ANKRD44: variants seen among roughly 807,000 people sequenced by gnomAD.
ANKRD44 encodes serine/threonine-protein phosphatase 6 regulatory ankyrin repeat subunit B.
ANKRD44 carries 35 observed loss-of-function variants against 116.0 expected under a neutral mutation model. That is an observed-to-expected ratio of 0.30 (90% CI 0.23 to 0.40). The LOEUF (loss-of-function observed/expected upper bound fraction) is 0.40, where lower values mean the gene tolerates loss of function less well. ANKRD44 is among the 10% of genes least tolerant of loss of function. The probability of loss-of-function intolerance (pLI) is 1.00; values close to 1 mark genes in which losing one functional copy is unlikely to be tolerated. For synonymous variants in ANKRD44, 435 were observed against 461.8 expected, an observed-to-expected ratio of 0.94 and a Z score of 0.74; for missense variants, 1,014 against 1,242.6, an observed-to-expected ratio of 0.82 and a Z score of 2.77.
At chr2:197,059,445 T>C (rs1394385937) in intron 16 of ANKRD44, among the ~76,000 whole-genome samples, 2 of 152,196 alleles carry the variant, frequency 1.3e-5, no homozygotes, top group African/African-American at 4.8e-5. Context: ...CAATAAAATA[T>C]ATAACTTTAA....
intron 2 of ANKRD44, among the ~76,000 whole-genome samples, chr2:197,183,909 GTTACACATCAC>G (rs1460848343): frequency 6.6e-6 from 1 of 152,110 alleles, no homozygotes; most frequent in Admixed American, 6.5e-5. Context: ...CAAGCCTCAG[GTTACACATCAC>G]TTTATCAGGT....
intron 16 of ANKRD44, 66 bp from the exon 17 acceptor site, chr2:197,025,333 G>T: frequency 7.6e-7 from 1 of 1,321,176 alleles, no homozygotes; most frequent in Non-Finnish European, 1.1e-6. Context: ...GTGTAAATGA[G>T]AAAAGAGGTT....
At chr2:197,073,432 C>T (rs927036887) in intron 16 of ANKRD44, among the ~76,000 whole-genome samples, 1 of 152,176 alleles carries the variant, frequency 6.6e-6, no homozygotes, top group African/African-American at 2.4e-5. Context: ...TAGCTCTGGC[C>T]CTTGGCTCAC....
Position 197,025,277 on chromosome 2 carries a change from C to G in ANKRD44, c.1651-10G>C. 1.2e-6 allele frequency: 2 copies of G among 1,605,826 alleles called. No individual in the cohort carries two copies. Among genetic ancestry groups the G allele is most frequent in the Non-Finnish European group, 1.7e-6 (2 of 1,173,668 alleles). On this transcript the variant is annotated splice_polypyrimidine_tract_variant and intron_variant, in intron 16 of 27. Transcript: ENST00000282272. ...TTGTTCTTTCCAAAAGCTGTGGAGA[C>G]AAAAAGCAAACAATAGTACGTGAGT...
In ANKRD44 at chr2:197,137,348, A is replaced by G. The variant is rs146450575; in HGVS notation, c.191-686T>C. On this transcript the variant is annotated intron_variant, in intron 3 of 27. Transcript: ENST00000282272. ...GATGAGGAAGGGAGCTCATGAGGAC[A>G]GAGAGTGGAGAAACAAATCAAAGAA... Among the ~76,000 whole-genome samples the G allele has an allele frequency of 8.5e-4, 130 of 152,328 alleles. No homozygotes were observed. The East Asian group carries it at 0.023, about 27-fold the overall frequency.
chr2:197,259,316 C>T (rs2082536077), intron 1 of ANKRD44, among the ~76,000 whole-genome samples: 1 of 152,166 alleles, frequency 6.6e-6, no homozygotes, highest in African/African-American at 2.4e-5. Context: ...GTGTCCCCCT[C>T]CCAGAGCTAA....
chr2:197,007,719 A>G (rs2076225204), intron 20 of ANKRD44, 87 bp downstream of exon 20: 1 of 883,672 alleles, frequency 1.1e-6, no homozygotes, highest in South Asian at 1.5e-5. Context: ...AATCCAATCA[A>G]AGTAGGCCCT....
intron 16 of ANKRD44, among the ~76,000 whole-genome samples, chr2:197,069,932 T>C (rs894901451): frequency 2.0e-5 from 3 of 152,108 alleles, no homozygotes; most frequent in Non-Finnish European, 4.4e-5. Context: ...CATCAGCATT[T>C]TGTGGTTTCA....
In ANKRD44 at chr2:197,020,681, T is replaced by C. The variant is rs145532826; in HGVS notation, c.1722+4515A>G. Among the ~76,000 whole-genome samples, 54 of 152,334 alleles carry C rather than the reference T, an allele frequency of 3.5e-4. No individual in the cohort carries two copies. In the East Asian group the frequency reaches 8.7e-3, roughly 24 times the overall value. The stretch of plus-strand genomic sequence containing the variant: ...CTAGTTTGTAGCTCCTGAATTTTAC[T>C]ATGCATAAAGTAAAGCCTTCACTAG... On this transcript the variant is annotated intron_variant, in intron 17 of 27. Coordinates refer to ENST00000282272, the MANE Select transcript of ANKRD44 (RefSeq NM_001195144.2).
chr2:196,971,833 G>A (rs1344170396), intron 21 of ANKRD44, among the ~76,000 whole-genome samples: 1 of 152,134 alleles, frequency 6.6e-6, no homozygotes, highest in African/African-American at 2.4e-5. Flanking sequence ...AGCCAAAGGG[G>A]ATGCATCCAA....
chr2:197,083,659 T>C, intron 13 of ANKRD44, 150 bp from the exon 14 acceptor site: 1 of 702,442 alleles, frequency 1.4e-6, no homozygotes, highest in East Asian at 3.1e-5. Flanking sequence ...CCTTCAACTA[T>C]ACAAGTTAGG....
At chr2:197,049,188 G>T (rs569477752) in intron 16 of ANKRD44, among the ~76,000 whole-genome samples, 42 of 152,092 alleles carry the variant, frequency 2.8e-4, no homozygotes, top group Non-Finnish European at 4.7e-4. Context: ...AGTTTAATTA[G>T]ACCCCATTTG....
intron 1 of ANKRD44, among the ~76,000 whole-genome samples, chr2:197,219,303 C>T (rs1238905902): frequency 3.9e-5 from 6 of 151,976 alleles, no homozygotes; most frequent in East Asian, 1.9e-4. Flanking sequence ...CTCCTGACCT[C>T]GTGATCTGCC....
intron 10 of ANKRD44, among the ~76,000 whole-genome samples, chr2:197,096,340 A>C (rs1009425328): frequency 1.3e-5 from 2 of 152,228 alleles, no homozygotes; most frequent in African/African-American, 4.8e-5. Context: ...CATAAACTAT[A>C]ATACCCCTAA....
intron 1 of ANKRD44, among the ~76,000 whole-genome samples, chr2:197,192,141 A>T: frequency 6.6e-6 from 1 of 152,086 alleles, no homozygotes; most frequent in Non-Finnish European, 1.5e-5. Context: ...ATTTTTGCTA[A>T]AACCACTGTA....
chr2:197,008,369 C>A (rs4850744), intron 19 of ANKRD44, among the ~76,000 whole-genome samples: 138,584 of 152,268 alleles, frequency 0.91, 63,132 homozygotes, highest in East Asian at 1. Flanking sequence ...GTCAAGTCTC[C>A]GGGAAAGAAT....
chr2:197,102,895 G>A (rs1354631642), intron 9 of ANKRD44, among the ~76,000 whole-genome samples: 1 of 152,150 alleles, frequency 6.6e-6, no homozygotes, highest in Admixed American at 6.6e-5. Context: ...TTTCTCCCAG[G>A]TTTTGTTTTT....
intron 1 of ANKRD44, among the ~76,000 whole-genome samples, chr2:197,260,604 G>A (rs1339433433): frequency 6.6e-6 from 1 of 151,700 alleles, no homozygotes; most frequent in Non-Finnish European, 1.5e-5. Context: ...GCCCAGTAAT[G>A]GGATGGCTGG....
intron 16 of ANKRD44, among the ~76,000 whole-genome samples, chr2:197,074,607 G>C (rs886932751): frequency 3.3e-5 from 5 of 152,106 alleles, no homozygotes; most frequent in African/African-American, 4.8e-5. Context: ...GAGTAGCTAG[G>C]ACTACAGGTG....
Sources: allele counts gnomAD v4.1 joint callset (sites outside exome capture counted in the v4.1 genomes callset), GRCh38; gene constraint gnomAD v4.1.1; transcripts MANE v1.5; gene names NCBI Gene and HGNC (gene_info 2026-07-23, HGNC 2026-07-21).